The following IPO5 variants were observed in gnomAD, a reference collection of about 807,000 sequenced individuals.
The protein encoded by IPO5 is importin 5.
IPO5 carries 18 observed loss-of-function variants against 143.3 expected under a neutral mutation model. The ratio of observed to expected loss-of-function variants is 0.13; its 90% CI spans 0.09 to 0.19. IPO5 has a LOEUF of 0.19. IPO5 is among the 10% of genes least tolerant of loss of function. The pLI, the probability that IPO5 is intolerant of heterozygous loss-of-function variation, is 1.00. For synonymous variants in IPO5, 477 were observed against 465.7 expected, an observed-to-expected ratio of 1.02 and a Z score of -0.31; for missense variants, 1,013 against 1,336.9, an observed-to-expected ratio of 0.76 and a Z score of 3.78.
intron 17 of IPO5, 91 bp from the exon 18 acceptor site, chr13:98,007,968 C>T (rs1889406083): frequency 8.6e-6 from 6 of 701,290 alleles, no homozygotes; most frequent in Admixed American, 6.4e-5. Context: ...CCTATGTGGG[C>T]AATGTAGTCG....
At chr13:97,992,835 T>C in intron 9 of IPO5, 57 bp from the exon 10 acceptor site, 1 of 1,535,140 alleles carries the variant, frequency 6.5e-7, no homozygotes, top group Non-Finnish European at 8.8e-7. Flanking sequence ...ATCTTTTGGC[T>C]AATGAGGCAT....
At chr13:98,018,839 C>A in intron 26 of IPO5, 135 bp downstream of exon 26, 2 of 637,002 alleles carry the variant, frequency 3.1e-6, no homozygotes, top group Non-Finnish European at 5.5e-6. Context: ...TCATCTGTAG[C>A]ATTTAGGATT....
At chr13:98,012,436 C>A in intron 21 of IPO5, 94 bp downstream of exon 21, 1 of 790,410 alleles carries the variant, frequency 1.3e-6, no homozygotes, top group South Asian at 1.4e-5. Flanking sequence ...GTAGACTTCA[C>A]CATGATTGTT....
At chr13:97,957,066 G>A (rs771524984) in intron 2 of IPO5, among the ~76,000 whole-genome samples, 8 of 152,012 alleles carry the variant, frequency 5.3e-5, no homozygotes, top group Non-Finnish European at 1.0e-4. Context: ...TCTTTAAAAG[G>A]GTAGGGTTTA....
chr13:97,992,973 T>C lies in IPO5; in HGVS notation c.751T>C (p.Leu251=), dbSNP rs141158396. The change falls in exon 10 of 29, where the codon TTG becomes CTG. Residue 251 remains leucine, a synonymous_variant. Transcript: ENST00000651721. ...VEIADTVPKY[L]RPHLEATLQL... ...GATTGCAGATACTGTTCCAAAGTAT[T>C]TGCGTCCTCACTTGGAAGCAACTCT... 183 of 1,613,514 alleles carry C rather than the reference T, an allele frequency of 1.1e-4. No individual in the cohort carries two copies. The highest frequency in any genetic ancestry group is 1.5e-4 in the Non-Finnish European group (176 of 1,179,576).
intron 3 of IPO5, among the ~76,000 whole-genome samples, chr13:97,974,737 G>C (rs1886120815): frequency 6.6e-6 from 1 of 150,488 alleles, no homozygotes; most frequent in Non-Finnish European, 1.5e-5. Context: ...AAAGTAATGT[G>C]CATAGTGGTT....
In IPO5 at chr13:98,015,587, G is replaced by T. The variant is rs1341436730; in HGVS notation, c.2383G>T (p.Gly795Cys). 56 of 1,612,404 alleles carry T rather than the reference G, an allele frequency of 3.5e-5. No individual in the cohort carries two copies. The highest frequency in any genetic ancestry group is 4.7e-5 in the Non-Finnish European group (55 of 1,178,864). Residue 795 changes from glycine to cysteine, a missense_variant, in exon 23 of 29, where the codon GGT becomes TGT. This residue lies in a region of IPO5 where 685 missense variants were observed against 994.9 expected (regional missense o/e 0.69). Coordinates refer to ENST00000651721, the MANE Select transcript of IPO5 (RefSeq NM_002271.6). ...LNNEHFEELGGILKAKLEEHF... is the reference protein window; with the variant it reads ...LNNEHFEELGCILKAKLEEHF... ...TAATGAACACTTTGAAGAACTGGGA[G>T]GTATATTGAAAGCAAAGCTTGAAGA...
chr13:97,974,710 C>CA (rs898276558), intron 3 of IPO5, among the ~76,000 whole-genome samples: 7 of 145,302 alleles, frequency 4.8e-5, no homozygotes, highest in East Asian at 2.0e-4. Context: ...CAAAATCAAA[C>CA]AAAAAAAAGC....
rs372101003 is a variant in IPO5 at position 97,973,684 on chromosome 13, G to A, written c.-4-3009G>A. ...TAAAATAAGGCTGGGCTGTGATTTC[G>A]TGTTCTAGCAGTTGATGTCACCACT... On this transcript the variant is annotated intron_variant, in intron 3 of 28. Transcript: ENST00000651721. 9.8e-5 allele frequency among the ~76,000 whole-genome samples: 15 copies of A among 152,294 alleles called. No individual in the cohort carries two copies. The East Asian group carries it at 2.9e-3, about 29-fold the overall frequency.
intron 9 of IPO5, among the ~76,000 whole-genome samples, chr13:97,991,010 G>C (rs896532082): frequency 2.6e-5 from 4 of 152,128 alleles, no homozygotes; most frequent in Non-Finnish European, 5.9e-5. Flanking sequence ...GATGAGACAA[G>C]ATAGAGCATA....
intron 3 of IPO5, among the ~76,000 whole-genome samples, chr13:97,971,310 C>A (rs961692757): frequency 2.0e-5 from 3 of 152,172 alleles, no homozygotes; most frequent in Non-Finnish European, 4.4e-5. Flanking sequence ...CCCACTTGCC[C>A]CTGGCTGAGG....
intron 4 of IPO5, among the ~76,000 whole-genome samples, chr13:97,981,796 C>T (rs1886867866): frequency 6.6e-6 from 1 of 152,176 alleles, no homozygotes; most frequent in South Asian, 2.1e-4. Context: ...TTAATCTGTT[C>T]TGATCATCTG....
rs948000471 is a variant in IPO5, at chr13:97,965,018, G to T, written c.-112-4705G>T. Among the ~76,000 whole-genome samples, 6 of 152,148 alleles carry T rather than the reference G, an allele frequency of 3.9e-5. No homozygotes were observed. In the East Asian group the frequency reaches 1.2e-3, roughly 29 times the overall value. On this transcript the variant is annotated intron_variant, in intron 2 of 28. Coordinates refer to ENST00000651721, the MANE Select transcript of IPO5 (RefSeq NM_002271.6). ...TTGAATACTATGCAGCCATAAAAAAGAATGAGTTCATGTCCTTTGCAGGGA... is the reference window on the plus strand; with the variant it reads ...TTGAATACTATGCAGCCATAAAAAATAATGAGTTCATGTCCTTTGCAGGGA...
At chr13:98,021,519 G>T (rs1244088785) in intron 28 of IPO5, 3 of 401,244 alleles carry the variant, frequency 7.5e-6, no homozygotes, top group African/African-American at 2.0e-5. Flanking sequence ...TACCTGCTTA[G>T]TGTAGCTTTT....
Position 98,015,548 on chromosome 13 carries a change from G to A in IPO5, c.2344G>A (p.Asp782Asn), listed in dbSNP as rs910531116. The change falls in exon 23 of 29, where the codon GAT (aspartate) becomes AAT (asparagine). Residue 782 changes from aspartate to asparagine, a missense_variant. Coordinates refer to ENST00000651721, the MANE Select transcript of IPO5 (RefSeq NM_002271.6). ...SFAKCIEVMG[D>N]GCLNNEHFEE... Reference sequence around the variant, plus strand: ...TCATTAGTGCATTGAAGTAATGGGAGATGGATGCCTTAATAATGAACACTT... The same window carrying A: ...TCATTAGTGCATTGAAGTAATGGGAAATGGATGCCTTAATAATGAACACTT... 26 of 1,604,540 alleles carry A rather than the reference G, an allele frequency of 1.6e-5. No homozygotes were observed. The highest frequency in any genetic ancestry group is 2.0e-5 in the Non-Finnish European group (24 of 1,172,190).
At position 98,019,625 on chromosome 13, in the gene IPO5, A is replaced by C; in HGVS notation, c.2881A>C (p.Lys961Gln). 6.2e-7 allele frequency: 1 copy of C among 1,614,144 alleles called. No homozygotes were observed. The highest frequency in any genetic ancestry group is 8.5e-7 in the Non-Finnish European group (1 of 1,179,958). The change falls in exon 27 of 29, where the codon AAG (lysine) becomes CAG (glutamine). Residue 961 changes from lysine to glutamine, a missense_variant. Physicochemically the swap from Lys to Gln is moderately conservative, Grantham distance 53. Coordinates refer to ENST00000651721, the MANE Select transcript of IPO5 (RefSeq NM_002271.6). The stretch of plus-strand genomic sequence containing the variant: ...AAGAGTTATTCAGTCTGCGGATTCT[A>C]AGACCAAAGAAAATGTCAATGCTAC... ...LVRVIQSADS[K>Q]TKENVNATEN...
At position 98,023,886 on chromosome 13, in the gene IPO5, A is replaced by G. The variant is rs1323157403; in HGVS notation, c.*2064A>G. ...CTCAGAACTAACTGTGAGATGTACC[A>G]TGAACTAACAATTCTTTGAAAGGAC... On this transcript the variant is annotated 3_prime_UTR_variant, in exon 29 of 29. Transcript: ENST00000651721. 1 of 152,220 alleles carries G rather than the reference A, an allele frequency of 6.6e-6. No individual in the cohort carries two copies. The highest frequency in any genetic ancestry group is 1.5e-5 in the Non-Finnish European group (1 of 68,040). 9.4% of individuals were successfully genotyped at this position (152,220 alleles called of 1,614,324 possible).
Position 98,023,887 on chromosome 13 carries a change from T to C in IPO5, c.*2065T>C, listed in dbSNP as rs1401748783. On this transcript the variant is annotated 3_prime_UTR_variant, in exon 29 of 29. Coordinates refer to ENST00000651721, the MANE Select transcript of IPO5 (RefSeq NM_002271.6). ...TCAGAACTAACTGTGAGATGTACCA[T>C]GAACTAACAATTCTTTGAAAGGACC... 1 of 152,226 alleles carries C rather than the reference T, an allele frequency of 6.6e-6. No individual in the cohort carries two copies. The highest frequency in any genetic ancestry group is 1.5e-5 in the Non-Finnish European group (1 of 68,036). The allele number at this position is 152,226 out of a possible 1,614,324, so 9.4% of individuals were successfully genotyped here.
intron 2 of IPO5, among the ~76,000 whole-genome samples, chr13:97,968,021 G>A (rs758557226): frequency 5.3e-5 from 8 of 152,058 alleles, no homozygotes; most frequent in Non-Finnish European, 7.4e-5. Flanking sequence ...GCAGTGGTGC[G>A]ATCATTGCTC....
Sources: gnomAD v4.1 joint callset for allele counts (sites outside exome capture counted in the v4.1 genomes callset) on GRCh38, gnomAD v4.1.1 for gene constraint, gnomAD v4.1.1 regional missense constraint, MANE v1.5 for transcripts, NCBI Gene and HGNC (gene_info 2026-07-23, HGNC 2026-07-21) for gene names.